TTC23L: variants seen among roughly 807,000 people sequenced by gnomAD.
TTC23L encodes tetratricopeptide repeat protein 23-like.
In TTC23L, 42 loss-of-function variants were observed where a neutral mutation model predicts 48.1. The ratio of observed to expected loss-of-function variants is 0.87; its 90% CI spans 0.68 to 1.13. The LOEUF (loss-of-function observed/expected upper bound fraction) is 1.13. Ranked by LOEUF, TTC23L falls within the 50% of genes most tolerant of loss-of-function variation. The probability of loss-of-function intolerance (pLI) is 0.00; values close to 1 mark genes in which losing one functional copy is unlikely to be tolerated. For synonymous variants in TTC23L, 159 were observed against 157.2 expected (o/e 1.01, Z -0.09); for missense variants, 391 against 421.0 (o/e 0.93, Z 0.62).
At chr5:34,857,862 C>T (rs930283422) in intron 4 of TTC23L, among the ~76,000 whole-genome samples, 1 of 152,156 alleles carries the variant, frequency 6.6e-6, no homozygotes, top group South Asian at 2.1e-4. Context: ...CCTGGAAAGT[C>T]TGGCTCTAGA....
At chr5:34,895,896 T>A (rs373803367) in intron 9 of TTC23L, among the ~76,000 whole-genome samples, 5 of 152,246 alleles carry the variant, frequency 3.3e-5, no homozygotes, top group African/African-American at 9.6e-5. Context: ...TGCATTCATC[T>A]TCTTTTCCTA....
At chr5:34,923,588 T>C in the TTC23L span, among the ~76,000 whole-genome samples, 9 of 152,172 alleles carry the variant, frequency 5.9e-5, no homozygotes, top group African/African-American at 2.2e-4. Context: ...TAATTTTTTT[T>C]TTTAGAGATA....
At chr5:34,870,607 T>C (rs1761386164) in intron 8 of TTC23L, among the ~76,000 whole-genome samples, 1 of 152,152 alleles carries the variant, frequency 6.6e-6, no homozygotes, top group Non-Finnish European at 1.5e-5. Context: ...ATGAGGCCAG[T>C]ATTACCCTGA....
chr5:34,922,349 T>C, the TTC23L span: 1 of 1,122,008 alleles, frequency 8.9e-7, no homozygotes, highest in African/African-American at 1.6e-5. Context: ...TTTGTACCTT[T>C]TATGTTATAG....
chr5:34,882,214 C>T (rs940190044), intron 9 of TTC23L, among the ~76,000 whole-genome samples: 1 of 152,182 alleles, frequency 6.6e-6, no homozygotes, highest in African/African-American at 2.4e-5. Context: ...CCAGTACCAC[C>T]ACCAGTACCA....
chr5:34,911,758 A>G, the TTC23L span: 6 of 1,614,070 alleles, frequency 3.7e-6, no homozygotes, highest in East Asian at 2.2e-5. Flanking sequence ...TTCCAGGAAC[A>G]GCATCAAAGG....
chr5:34,868,244 T>C (rs186919701), intron 7 of TTC23L: 7 of 152,406 alleles, frequency 4.6e-5, no homozygotes, highest in Admixed American at 4.6e-4. Context: ...CTCTGCTCTG[T>C]GTCTTGGCTC....
chr5:34,847,984 C>A (rs1406038219), intron 3 of TTC23L, among the ~76,000 whole-genome samples: 1 of 152,150 alleles, frequency 6.6e-6, no homozygotes, highest in Non-Finnish European at 1.5e-5. Context: ...ACGGGTTACA[C>A]TTAGATCTGA....
At chr5:34,892,028 C>T (rs1762896810) in intron 9 of TTC23L, among the ~76,000 whole-genome samples, 1 of 152,220 alleles carries the variant, frequency 6.6e-6, no homozygotes, top group African/African-American at 2.4e-5. Flanking sequence ...TTCCCTGAAA[C>T]AAGCCCATAT....
At chr5:34,859,810 C>CT (rs1032103351) in intron 4 of TTC23L, among the ~76,000 whole-genome samples, 1 of 140,718 alleles carries the variant, frequency 7.1e-6, no homozygotes. Context: ...ATACGTTTTT[C>CT]TTTTTTTTCT....
the TTC23L span, chr5:34,915,915 C>T: frequency 2.7e-5 from 41 of 1,520,940 alleles, no homozygotes; most frequent in Middle Eastern, 5.2e-4. Context: ...GGGATGTCCC[C>T]GGGCTACACC....
intron 9 of TTC23L, chr5:34,883,204 A>T (rs574973838): frequency 3.8e-5 from 6 of 159,488 alleles, no homozygotes; most frequent in Non-Finnish European, 8.3e-5. Flanking sequence ...GGCATTGTCC[A>T]AAAGGGAATA....
chr5:34,872,057 C>T (rs1431871498), intron 8 of TTC23L, among the ~76,000 whole-genome samples: 3 of 151,364 alleles, frequency 2.0e-5, no homozygotes, highest in African/African-American at 7.3e-5. Flanking sequence ...GTGAGAAGAT[C>T]ACTTGAAGCC....
rs116360049 is a variant in TTC23L at position 34,859,431 on chromosome 5, A to G, written c.380-3467A>G. Among the ~76,000 whole-genome samples the G allele has an allele frequency of 9.5e-3, 1,451 of 152,158 alleles. 24 individuals carry two copies. Among genetic ancestry groups the G allele is most frequent in the African/African-American group, 0.034 (1,407 of 41,486 alleles). On this transcript the variant is annotated intron_variant, in intron 4 of 10. Coordinates refer to ENST00000505624, the Ensembl canonical transcript of TTC23L. ...ATAACAGATCTAATTCCCCCTCCTC[A>G]TCTGGGCATCTGCTATGGTTCGAGC... is the stretch of plus-strand genomic sequence containing the variant.
the TTC23L span, among the ~76,000 whole-genome samples, chr5:34,924,214 G>A: frequency 3.3e-5 from 5 of 152,262 alleles, no homozygotes; most frequent in East Asian, 7.7e-4. Flanking sequence ...ATGAAGAGGT[G>A]GAAGAGAACA....
chr5:34,859,251 A>G (rs1214119646), intron 4 of TTC23L, among the ~76,000 whole-genome samples: 1 of 152,190 alleles, frequency 6.6e-6, no homozygotes, highest in Non-Finnish European at 1.5e-5. Context: ...ACTTGTGGAA[A>G]ATGACCTGCT....
intron 2 of TTC23L, among the ~76,000 whole-genome samples, chr5:34,842,716 A>T (rs190646124): frequency 1.6e-4 from 24 of 152,244 alleles, no homozygotes; most frequent in Middle Eastern, 3.4e-3. Context: ...CCTCCAGCAA[A>T]CCCTCTGTCG....
chr5:34,860,220 C>G (rs574665719), intron 4 of TTC23L, among the ~76,000 whole-genome samples: 1 of 152,078 alleles, frequency 6.6e-6, no homozygotes, highest in Non-Finnish European at 1.5e-5. Context: ...TGTATCCACC[C>G]AACCTCATCC....
the TTC23L span, among the ~76,000 whole-genome samples, chr5:34,904,805 T>C: frequency 6.6e-6 from 1 of 152,140 alleles, no homozygotes; most frequent in Non-Finnish European, 1.5e-5. Flanking sequence ...GAATCAAGTG[T>C]CAGGCACCAT....
Sources: allele counts gnomAD v4.1 joint callset (sites outside exome capture counted in the v4.1 genomes callset), GRCh38; gene constraint gnomAD v4.1.1; transcripts MANE v1.5; gene names NCBI Gene and HGNC (gene_info 2026-07-23, HGNC 2026-07-21).